The following TAMM41 variants were observed in gnomAD, a reference collection of about 807,000 sequenced individuals.
TAMM41 encodes the protein TAM41 mitochondrial translocator assembly and maintenance homolog.
Under a neutral mutation model 44.1 loss-of-function variants are expected in TAMM41, and 36 were observed. The ratio of observed to expected loss-of-function variants is 0.82; its 90% confidence interval spans 0.63 to 1.08. The LOEUF is 1.08. Among genes scored for constraint, TAMM41 ranks in the 50% least tolerant of loss-of-function variants. The pLI is 0.00. For synonymous variants in TAMM41, 164 were observed against 153.1 expected (o/e 1.07, Z -0.53); for missense variants, 417 against 404.3 (o/e 1.03, Z -0.27).
the TAMM41 span, among the ~76,000 whole-genome samples, chr3:11,735,591 T>G: frequency 6.6e-6 from 1 of 151,602 alleles, no homozygotes; most frequent in African/African-American, 2.4e-5. Flanking sequence ...GCTGTGTTCA[T>G]GTCATTGCAC....
chr3:11,752,913 C>T, the TAMM41 span, among the ~76,000 whole-genome samples: 5 of 151,802 alleles, frequency 3.3e-5, no homozygotes, highest in Non-Finnish European at 7.4e-5. Flanking sequence ...CCTTAGCCTC[C>T]CAAACTGCTG....
chr3:11,774,978 C>T, the TAMM41 span, among the ~76,000 whole-genome samples: 1 of 150,934 alleles, frequency 6.6e-6, no homozygotes, highest in African/African-American at 2.4e-5. Context: ...AAGTGATTCT[C>T]CTGCCCTCAG....
intron 6 of TAMM41, chr3:11,808,152 T>A (rs758897380): frequency 1.4e-4 from 138 of 968,630 alleles, no homozygotes; most frequent in Admixed American, 2.2e-4. Context: ...CTCTTCCCCT[T>A]AAAACAAGGG....
chr3:11,727,582 A>G, the TAMM41 span, among the ~76,000 whole-genome samples: 2 of 152,238 alleles, frequency 1.3e-5, no homozygotes, highest in South Asian at 4.1e-4. Flanking sequence ...CTCACACCTC[A>G]GCCTCCTGAG....
At chr3:11,780,866 G>A in the TAMM41 span, among the ~76,000 whole-genome samples, 1 of 152,188 alleles carries the variant, frequency 6.6e-6, no homozygotes. Context: ...TGAAATTTTT[G>A]TTAAATACTT....
At chr3:11,777,890 T>C in the TAMM41 span, among the ~76,000 whole-genome samples, 1 of 152,132 alleles carries the variant, frequency 6.6e-6, no homozygotes, top group Non-Finnish European at 1.5e-5. Context: ...AAAAGAAAAC[T>C]TCCCAATTCT....
At chr3:11,727,239 A>G in the TAMM41 span, among the ~76,000 whole-genome samples, 2 of 152,348 alleles carry the variant, frequency 1.3e-5, no homozygotes, top group South Asian at 2.1e-4. Context: ...GAATGCAACT[A>G]GAATTAAACC....
At chr3:11,819,312 T>G (rs2078415961) in intron 4 of TAMM41, among the ~76,000 whole-genome samples, 2 of 152,200 alleles carry the variant, frequency 1.3e-5, no homozygotes, top group African/African-American at 4.8e-5. Context: ...TTGCTTCATT[T>G]AATACACACA....
chr3:11,846,601 G>C lies in TAMM41; in HGVS notation c.36C>G (p.Thr12=), dbSNP rs1180842317. ...ALQTLQSSWV[T]FRKILSHFPE... ...GGAAGTGAGACAGGATCTTGCGGAA[G>C]GTCACCCACGAGCTCTGCAGCGTCT... The change falls in exon 1 of 8, where the codon ACC becomes ACG. Residue 12 remains threonine (T), a synonymous_variant. Transcript: ENST00000455809. 1.2e-6 allele frequency: 2 copies of C among 1,614,222 alleles called. No individual in the cohort carries two copies. Among genetic ancestry groups the C allele is most frequent in the Non-Finnish European group, 1.7e-6 (2 of 1,180,040 alleles).
At chr3:11,782,795 T>C in the TAMM41 span, among the ~76,000 whole-genome samples, 1 of 152,228 alleles carries the variant, frequency 6.6e-6, no homozygotes, top group Non-Finnish European at 1.5e-5. Context: ...CATGGACTTT[T>C]CTGTGGGTTC....
chr3:11,749,380 G>A, the TAMM41 span, among the ~76,000 whole-genome samples: 1 of 152,182 alleles, frequency 6.6e-6, no homozygotes, highest in Non-Finnish European at 1.5e-5. Context: ...CTGGAATCTT[G>A]TATTCATAAT....
chr3:11,818,978 A>T (rs545576429), intron 4 of TAMM41, among the ~76,000 whole-genome samples: 2 of 152,074 alleles, frequency 1.3e-5, no homozygotes, highest in East Asian at 3.9e-4. Flanking sequence ...CAGGTGAGTG[A>T]GCAGAAGCGA....
chr3:11,772,257 A>AT, the TAMM41 span, among the ~76,000 whole-genome samples: 3 of 105,122 alleles, frequency 2.9e-5, no homozygotes, highest in Non-Finnish European at 5.9e-5. Context: ...TTTTTTTTGT[A>AT]GTTTTAGTAG....
At chr3:11,737,363 C>T in the TAMM41 span, among the ~76,000 whole-genome samples, 2 of 150,120 alleles carry the variant, frequency 1.3e-5, no homozygotes, top group African/African-American at 2.4e-5. Flanking sequence ...TCTTGTTGCC[C>T]AGGCTGGAGT....
At chr3:11,785,483 G>C (rs1225612870), downstream of TAMM41, among the ~76,000 whole-genome samples, 1 of 152,050 alleles carries the variant, frequency 6.6e-6, no homozygotes, top group Non-Finnish European at 1.5e-5. Flanking sequence ...CCCCTACCAT[G>C]CCCAGCTAAG....
At chr3:11,767,755 G>A in the TAMM41 span, among the ~76,000 whole-genome samples, 1 of 149,596 alleles carries the variant, frequency 6.7e-6, no homozygotes, top group Admixed American at 6.7e-5. Flanking sequence ...CCACCTCAGT[G>A]CCTGGGATTA....
At chr3:11,809,384 G>A in intron 6 of TAMM41, 133 bp downstream of exon 6, 1 of 1,027,238 alleles carries the variant, frequency 9.7e-7, no homozygotes, top group East Asian at 2.7e-5. Context: ...CAAATTTTTA[G>A]TGCTTTCTTC....
intron 4 of TAMM41, 25 bp from the exon 5 acceptor site, chr3:11,817,362 C>A: frequency 4.4e-6 from 7 of 1,593,052 alleles, no homozygotes; most frequent in Non-Finnish European, 6.0e-6. Context: ...GAGATAAACA[C>A]ATCTTCCATT....
chr3:11,767,626 A>ATTTTTTTTTCTTTTTTTTTTTTTTTTTTT, the TAMM41 span, among the ~76,000 whole-genome samples: 1 of 60,692 alleles, frequency 1.6e-5, no homozygotes. Context: ...CACGTTGTGC[A>ATTTTTTTTTCTTTTTTTTTTTTTTTTTTT]TTTTTTTTTT....
Sources: gnomAD v4.1 joint callset for allele counts (sites outside exome capture counted in the v4.1 genomes callset) on GRCh38, gnomAD v4.1.1 for gene constraint, MANE v1.5 for transcripts, NCBI Gene and HGNC (gene_info 2026-07-23, HGNC 2026-07-21) for gene names.